Variants in LDB2 observed in about 807,000 individuals in gnomAD.
LDB2 encodes LIM domain binding 2, also known as LIM domain-binding protein 2.
In LDB2, 12 loss-of-function variants were observed where a neutral mutation model predicts 44.3. That is an observed-to-expected ratio of 0.27 (90% CI 0.17 to 0.44). The LOEUF (loss-of-function observed/expected upper bound fraction) is 0.44, where lower values mean the gene tolerates loss of function less well. Among genes scored for constraint, LDB2 ranks in the 20% least tolerant of loss-of-function variants. The pLI is 1.00. For synonymous variants in LDB2, 164 were observed against 174.8 expected (o/e 0.94, Z 0.49); for missense variants, 344 against 473.5 (o/e 0.73, Z 2.54).
intron 2 of LDB2, among the ~76,000 whole-genome samples, chr4:16,706,106 T>C (rs1335247276): frequency 2.0e-5 from 3 of 152,174 alleles, no homozygotes; most frequent in African/African-American, 7.2e-5. Context: ...TCTGAATTCT[T>C]GTGTTCCTTT....
At chr4:16,519,079 C>T (rs1724963745) in intron 5 of LDB2, among the ~76,000 whole-genome samples, 1 of 152,168 alleles carries the variant, frequency 6.6e-6, no homozygotes, top group African/African-American at 2.4e-5. Context: ...ATTTTCCTTT[C>T]TTGTGGCCTC....
rs10939668 is a variant in LDB2 at position 16,529,760 on chromosome 4, C to A, written c.616-17656G>T. Among the ~76,000 whole-genome samples the A allele has an allele frequency of 1.0e-2, 1,519 of 152,284 alleles. 140 individuals carry two copies. In the East Asian group the frequency reaches 0.22, roughly 22 times the overall value. ...AGATCTGTATATGGTGTTTGAAAAT[C>A]TGTTTCTGTTCTAGCCCGTAAATTG... On this transcript the variant is annotated intron_variant, in intron 5 of 7. Coordinates refer to ENST00000304523, the MANE Select transcript of LDB2 (RefSeq NM_001290.5).
At chr4:16,570,462 CA>C (rs71181175) in intron 5 of LDB2, among the ~76,000 whole-genome samples, 14 of 16,596 alleles carry the variant, frequency 8.4e-4, no homozygotes, top group Non-Finnish European at 2.3e-3. Context: ...GACTCTGTCT[CA>C]AAAAAAAAAA....
rs544682283 is a variant in LDB2, at chr4:16,594,621, G to C, written c.408+1082C>G. ...TTCGTACACCAGCATGGGCACTGGA[G>C]AGATGAAAGTATACCAAAAAGATCA... is the stretch of plus-strand genomic sequence containing the variant. On this transcript the variant is annotated intron_variant, in intron 3 of 7. Transcript: ENST00000304523. Among the ~76,000 whole-genome samples, 6 of 152,172 alleles carry C rather than the reference G, an allele frequency of 3.9e-5. No individual in the cohort carries two copies. In the South Asian group the frequency reaches 1.2e-3, roughly 32 times the overall value.
intron 2 of LDB2, among the ~76,000 whole-genome samples, chr4:16,745,975 C>T (rs80143839): frequency 1.2e-3 from 185 of 151,968 alleles, no homozygotes; most frequent in African/African-American, 4.2e-3. Context: ...TTGAATTCTG[C>T]ATCTTTGAAG....
intron 5 of LDB2, among the ~76,000 whole-genome samples, chr4:16,519,190 A>C (rs1285112895): frequency 1.3e-5 from 2 of 152,164 alleles, no homozygotes; most frequent in Non-Finnish European, 2.9e-5. Flanking sequence ...TTAATTAATA[A>C]TATCTACAGA....
At chr4:16,666,564 G>A (rs1743281209) in intron 2 of LDB2, among the ~76,000 whole-genome samples, 1 of 152,200 alleles carries the variant, frequency 6.6e-6, no homozygotes. Context: ...GTTGCTTCAT[G>A]TTAAAGAGAA....
intron 2 of LDB2, among the ~76,000 whole-genome samples, chr4:16,743,194 G>T (rs992380691): frequency 3.3e-5 from 5 of 152,170 alleles, no homozygotes; most frequent in African/African-American, 4.8e-5. Context: ...GGAGGCTGAG[G>T]CATGAGAATT....
chr4:16,627,603 C>T (rs972663158), intron 2 of LDB2, among the ~76,000 whole-genome samples: 1 of 152,148 alleles, frequency 6.6e-6, no homozygotes, highest in Non-Finnish European at 1.5e-5. Context: ...AGATTACTTT[C>T]CTAAGCGTAC....
At chr4:16,836,465 C>T (rs996218298) in intron 1 of LDB2, among the ~76,000 whole-genome samples, 1 of 152,184 alleles carries the variant, frequency 6.6e-6, no homozygotes, top group African/African-American at 2.4e-5. Context: ...ACCTCCTCTA[C>T]CTAGATGCCC....
intron 7 of LDB2, chr4:16,505,909 GT>G: frequency 6.4e-7 from 1 of 1,551,588 alleles, no homozygotes; most frequent in Non-Finnish European, 8.7e-7. Context: ...GCCAGAAGGG[GT>G]CACTGCTGTT....
At chr4:16,866,833 A>G (rs1714866172) in intron 1 of LDB2, among the ~76,000 whole-genome samples, 1 of 152,230 alleles carries the variant, frequency 6.6e-6, no homozygotes, top group African/African-American at 2.4e-5. Flanking sequence ...TGTTGTTTGC[A>G]GAGTATGGCA....
intron 5 of LDB2, among the ~76,000 whole-genome samples, chr4:16,519,142 C>T (rs1237240079): frequency 6.6e-6 from 1 of 152,092 alleles, no homozygotes; most frequent in African/African-American, 2.4e-5. Context: ...TTATTTAACA[C>T]GGTATTAGGT....
intron 2 of LDB2, among the ~76,000 whole-genome samples, chr4:16,640,332 C>A (rs991078559): frequency 3.3e-5 from 5 of 152,086 alleles, no homozygotes; most frequent in Admixed American, 3.3e-4. Context: ...CTAGTCAGTG[C>A]AATAATGGAA....
chr4:16,692,140 G>A (rs796110301), intron 2 of LDB2, among the ~76,000 whole-genome samples: 1 of 152,126 alleles, frequency 6.6e-6, no homozygotes, highest in African/African-American at 2.4e-5. Context: ...TGTTCTTAGA[G>A]GGACAAATTC....
chr4:16,800,675 T>C (rs993438171), intron 1 of LDB2, among the ~76,000 whole-genome samples: 4 of 152,136 alleles, frequency 2.6e-5, no homozygotes, highest in Non-Finnish European at 5.9e-5. Context: ...TTTGTTTTTG[T>C]TTTTGTTTTG....
intron 2 of LDB2, among the ~76,000 whole-genome samples, chr4:16,706,109 G>A (rs116191656): frequency 1.7e-3 from 253 of 152,234 alleles, no homozygotes; most frequent in Non-Finnish European, 3.0e-3. Context: ...GAATTCTTGT[G>A]TTCCTTTATT....
intron 2 of LDB2, among the ~76,000 whole-genome samples, chr4:16,654,009 T>G (rs573043295): frequency 3.9e-5 from 6 of 152,318 alleles, no homozygotes; most frequent in East Asian, 3.9e-4. Context: ...TGGTCGCCAC[T>G]CTGTTTTAGG....
chr4:16,665,300 C>T lies in LDB2; in HGVS notation c.236-69425G>A, dbSNP rs374466291. Among the ~76,000 whole-genome samples the T allele has an allele frequency of 2.1e-3, 267 of 129,106 alleles. 2 individuals are homozygous for T. Among genetic ancestry groups the T allele is most frequent in the African/African-American group, 7.6e-3 (256 of 33,670 alleles). 84.7% of individuals were successfully genotyped at this position (129,106 alleles called of 152,430 possible). A position where few individuals can be genotyped will look rare whatever the true frequency, so the allele number is the denominator to read the frequency against. On this transcript the variant is annotated intron_variant, in intron 2 of 7. Transcript: ENST00000304523. ...TTTTTTTTTGAGACAGAGTCTCACT[C>T]TGTCACCCAGGCTGGAGTGCAGTGG... is the stretch of plus-strand genomic sequence containing the variant.
Sources: allele counts gnomAD v4.1 joint callset (sites outside exome capture counted in the v4.1 genomes callset), GRCh38; gene constraint gnomAD v4.1.1; transcripts MANE v1.5; gene names NCBI Gene and HGNC (gene_info 2026-07-23, HGNC 2026-07-21).